Variants in APBA1 observed in about 807,000 individuals in gnomAD.
APBA1 encodes the protein amyloid-beta A4 precursor protein-binding family A member 1.
Under a neutral mutation model 86.6 loss-of-function variants are expected in APBA1, and 55 were observed. The ratio of observed to expected loss-of-function variants is 0.64; its 90% CI spans 0.51 to 0.80. The LOEUF is 0.80. Ranked by LOEUF, APBA1 falls within the 30% of genes least tolerant of loss-of-function variation. The pLI is 0.00. For missense variants in APBA1, 1,090 were observed against 1,183.0 expected (o/e 0.92, Z 1.15); for synonymous variants, 511 against 493.9 (o/e 1.03, Z -0.46).
intron 1 of APBA1, among the ~76,000 whole-genome samples, chr9:69,517,513 C>T (rs1255559865): frequency 6.6e-6 from 1 of 150,454 alleles, no homozygotes; most frequent in Non-Finnish European, 1.5e-5. Context: ...CCACCCCTCA[C>T]ACTGAGCGCC....
rs1787653110 is a variant in APBA1 at position 69,456,244 on chromosome 9, T to C, written c.1788+3A>G. On this transcript the variant is annotated splice_donor_region_variant and intron_variant, in intron 8 of 12. Coordinates refer to ENST00000265381, the MANE Select transcript of APBA1 (RefSeq NM_001163.4). ...AAAGGAGATCAAAGGAAGCAACCCT[T>C]ACATCCTCAGACTCGAAGACGTGGC... The C allele has an allele frequency of 6.2e-7, 1 of 1,614,162 alleles. No individual in the cohort carries two copies. The highest frequency in any genetic ancestry group is 8.5e-7 in the Non-Finnish European group (1 of 1,180,012).
intron 1 of APBA1, among the ~76,000 whole-genome samples, chr9:69,604,631 T>C (rs1178653747): frequency 1.7e-5 from 2 of 119,936 alleles, no homozygotes; most frequent in Admixed American, 9.3e-5. Flanking sequence ...GAGAGGCACA[T>C]GAGTGCGGGC....
intron 1 of APBA1, among the ~76,000 whole-genome samples, chr9:69,646,646 C>T (rs1451960890): frequency 6.6e-6 from 1 of 152,196 alleles, no homozygotes; most frequent in African/African-American, 2.4e-5. Context: ...GTCTGCTCTC[C>T]TGCAGGTAAG....
intron 2 of APBA1, among the ~76,000 whole-genome samples, chr9:69,498,383 T>C (rs1308770198): frequency 1.3e-5 from 2 of 152,088 alleles, no homozygotes; most frequent in Non-Finnish European, 2.9e-5. Context: ...GACCCCCTGA[T>C]GGCAGCCTCC....
intron 11 of APBA1, among the ~76,000 whole-genome samples, chr9:69,434,201 GCC>G (rs1834655835): frequency 6.6e-6 from 1 of 152,216 alleles, no homozygotes; most frequent in African/African-American, 2.4e-5. Context: ...ACTCTGTGCA[GCC>G]AGGGTGGACA....
At chr9:69,593,475 C>A (rs1822171049) in intron 1 of APBA1, among the ~76,000 whole-genome samples, 1 of 152,142 alleles carries the variant, frequency 6.6e-6, no homozygotes, top group Admixed American at 6.6e-5. Context: ...AATTACCAAA[C>A]AACCGTCAAC....
At chr9:69,450,676 A>G (rs1834991983) in intron 9 of APBA1, among the ~76,000 whole-genome samples, 1 of 152,186 alleles carries the variant, frequency 6.6e-6, no homozygotes, top group African/African-American at 2.4e-5. Context: ...ACCAACCCCC[A>G]GTGCCTTTGA....
At chr9:69,581,632 A>T (rs1245539355) in intron 1 of APBA1, among the ~76,000 whole-genome samples, 2 of 152,144 alleles carry the variant, frequency 1.3e-5, no homozygotes, top group Non-Finnish European at 2.9e-5. Flanking sequence ...ATAACTAATG[A>T]GTGAAGGAAG....
intron 5 of APBA1, among the ~76,000 whole-genome samples, chr9:69,459,960 C>G (rs1835162908): frequency 6.6e-6 from 1 of 152,176 alleles, no homozygotes; most frequent in South Asian, 2.1e-4. Context: ...AGATCTTGTA[C>G]AAATAATGGC....
intron 1 of APBA1, among the ~76,000 whole-genome samples, chr9:69,526,091 C>T (rs910956640): frequency 6.6e-6 from 1 of 152,020 alleles, no homozygotes; most frequent in Admixed American, 6.6e-5. Context: ...ATGTAAAATA[C>T]CAAACTATAA....
rs145595263 is a variant in APBA1, at chr9:69,643,173, C to T, written c.-70+28980G>A. Among the ~76,000 whole-genome samples, 605 of 152,222 alleles carry T rather than the reference C, an allele frequency of 4.0e-3. 4 individuals carry two copies. The highest frequency in any genetic ancestry group is 0.01 in the Middle Eastern group (3 of 294). ...TTACATTTGATCCAGCAATCCTACTCATAAGTGTTTACCCCCTACAACCCA... is the reference window on the plus strand; with the variant it reads ...TTACATTTGATCCAGCAATCCTACTTATAAGTGTTTACCCCCTACAACCCA... On this transcript the variant is annotated intron_variant, in intron 1 of 12. Coordinates refer to ENST00000265381, the MANE Select transcript of APBA1 (RefSeq NM_001163.4).
At chr9:69,561,017 C>G (rs888216502) in intron 1 of APBA1, among the ~76,000 whole-genome samples, 2 of 151,898 alleles carry the variant, frequency 1.3e-5, no homozygotes, top group Non-Finnish European at 2.9e-5. Context: ...TGAATAATAA[C>G]TAAATATGAC....
At chr9:69,483,887 A>C (rs1835565490) in intron 2 of APBA1, among the ~76,000 whole-genome samples, 1 of 152,030 alleles carries the variant, frequency 6.6e-6, no homozygotes, top group African/African-American at 2.4e-5. Flanking sequence ...AACACACACA[A>C]CTTTTATTTG....
intron 1 of APBA1, among the ~76,000 whole-genome samples, chr9:69,626,050 A>G (rs886801878): frequency 1.3e-5 from 2 of 152,162 alleles, no homozygotes; most frequent in Non-Finnish European, 2.9e-5. Context: ...GGAAAAAGCA[A>G]TTTGTTAAGT....
chr9:69,601,721 T>TA (rs937236834), intron 1 of APBA1, among the ~76,000 whole-genome samples: 4 of 152,192 alleles, frequency 2.6e-5, no homozygotes, highest in African/African-American at 9.7e-5. Context: ...CCTCCATATT[T>TA]AAAAAAATGT....
chr9:69,649,593 C>G (rs1823457730), intron 1 of APBA1, among the ~76,000 whole-genome samples: 1 of 152,308 alleles, frequency 6.6e-6, no homozygotes, highest in South Asian at 2.1e-4. Flanking sequence ...ACTCTAAAGC[C>G]CCCTGAAGAG....
intron 2 of APBA1, among the ~76,000 whole-genome samples, chr9:69,489,672 A>G (rs1201915627): frequency 6.6e-6 from 1 of 152,060 alleles, no homozygotes; most frequent in African/African-American, 2.4e-5. Context: ...AAGGACATGA[A>G]CAGACACTTC....
chr9:69,615,473 C>T (rs1237219871), intron 1 of APBA1, among the ~76,000 whole-genome samples: 1 of 152,058 alleles, frequency 6.6e-6, no homozygotes, highest in Non-Finnish European at 1.5e-5. Flanking sequence ...TGAGAACGTG[C>T]TTAAAATGCC....
chr9:69,651,245 G>A (rs1823493235), intron 1 of APBA1, among the ~76,000 whole-genome samples: 1 of 152,140 alleles, frequency 6.6e-6, no homozygotes, highest in African/African-American at 2.4e-5. Context: ...AGCAATCGTG[G>A]TTACCTCTGG....
Sources: gnomAD v4.1 joint callset for allele counts (sites outside exome capture counted in the v4.1 genomes callset) on GRCh38, gnomAD v4.1.1 for gene constraint, MANE v1.5 for transcripts, NCBI Gene and HGNC (gene_info 2026-07-23, HGNC 2026-07-21) for gene names.